The following SYT14 variants were observed in gnomAD, a reference collection of about 807,000 sequenced individuals.
SYT14 encodes the protein synaptotagmin 14.
SYT14 carries 32 observed loss-of-function variants against 74.2 expected under a neutral mutation model. That is an observed-to-expected ratio of 0.43 (90% confidence interval 0.33 to 0.58). The LOEUF (loss-of-function observed/expected upper bound fraction) is 0.58, where lower values mean the gene tolerates loss of function less well. Ranked by LOEUF, SYT14 falls within the 20% of genes least tolerant of loss-of-function variation. The probability of loss-of-function intolerance (pLI) is 0.05; values close to 1 mark genes in which losing one functional copy is unlikely to be tolerated. For synonymous variants in SYT14, 298 were observed against 337.7 expected, an observed-to-expected ratio of 0.88 and a Z score of 1.29; for missense variants, 791 against 981.8, an observed-to-expected ratio of 0.81 and a Z score of 2.60.
In SYT14 at chr1:209,998,445, A is replaced by G. The variant is rs566678427; in HGVS notation, c.-485-15188A>G. Among the ~76,000 whole-genome samples the G allele has an allele frequency of 7.2e-5, 11 of 152,112 alleles. No individual in the cohort carries two copies. In the South Asian group the frequency reaches 2.1e-3, roughly 29 times the overall value. On this transcript the variant is annotated intron_variant, in intron 2 of 9. Coordinates refer to ENST00000637265, the Ensembl canonical transcript of SYT14. Reference sequence around the variant, plus strand: ...TGTCATTTTTAACAGAAATAGAGAAAACAACTCTAGAATTTGTATAGAACT... The same window carrying G: ...TGTCATTTTTAACAGAAATAGAGAAGACAACTCTAGAATTTGTATAGAACT...
chr1:209,990,068 A>C (rs998676029), intron 2 of SYT14, among the ~76,000 whole-genome samples: 1 of 152,236 alleles, frequency 6.6e-6, no homozygotes, highest in African/African-American at 2.4e-5. Flanking sequence ...CCTGTTTGCT[A>C]TCTTTTACTT....
At chr1:209,974,039 C>A (rs1200029565) in intron 2 of SYT14, among the ~76,000 whole-genome samples, 3 of 151,794 alleles carry the variant, frequency 2.0e-5, no homozygotes. Context: ...ATATCCTTCG[C>A]CCACTTTTTG....
chr1:210,046,123 C>T (rs568231839), intron 5 of SYT14, among the ~76,000 whole-genome samples: 1 of 152,278 alleles, frequency 6.6e-6, no homozygotes, highest in African/African-American at 2.4e-5. Context: ...ATAATCCCAG[C>T]ACCTTGGGAG....
chr1:210,102,665 T>C (rs2082088592), intron 7 of SYT14, among the ~76,000 whole-genome samples: 1 of 152,064 alleles, frequency 6.6e-6, no homozygotes, highest in African/African-American at 2.4e-5. Context: ...TAAACATTTG[T>C]TCTAGTTGCT....
At chr1:210,025,903 A>G (rs896338831) in intron 5 of SYT14, among the ~76,000 whole-genome samples, 3 of 152,212 alleles carry the variant, frequency 2.0e-5, no homozygotes, top group Non-Finnish European at 4.4e-5. Flanking sequence ...TTTGGCTTTC[A>G]TTAGGTCATC....
chr1:210,013,559 T>G, intron 2 of SYT14, 74 bp from the exon 3 acceptor site: 3 of 1,359,684 alleles, frequency 2.2e-6, no homozygotes, highest in African/African-American at 1.5e-5. Context: ...GCTAACTTAA[T>G]GTTTGGGGTT....
At chr1:209,941,223 C>G (rs867854376) in intron 1 of SYT14, among the ~76,000 whole-genome samples, 1 of 152,024 alleles carries the variant, frequency 6.6e-6, no homozygotes, top group Non-Finnish European at 1.5e-5. Flanking sequence ...TTTTATCAGT[C>G]AGATGTGTAA....
chr1:210,076,493 C>T (rs1420446729), intron 5 of SYT14, among the ~76,000 whole-genome samples: 2 of 152,168 alleles, frequency 1.3e-5, no homozygotes, highest in African/African-American at 4.8e-5. Context: ...TTATATTTGC[C>T]TGTTCCTCGC....
chr1:210,034,673 ACT>A (rs1277442629), intron 5 of SYT14, among the ~76,000 whole-genome samples: 1 of 151,368 alleles, frequency 6.6e-6, no homozygotes, highest in African/African-American at 2.4e-5. Context: ...CTATTATTAC[ACT>A]CTCTGTGTGT....
chr1:210,039,945 G>A (rs1344172960), intron 5 of SYT14, among the ~76,000 whole-genome samples: 3 of 152,150 alleles, frequency 2.0e-5, no homozygotes, highest in East Asian at 1.9e-4. Flanking sequence ...GTGTAAATGC[G>A]TTCAACCATT....
intron 7 of SYT14, among the ~76,000 whole-genome samples, chr1:210,114,058 C>T (rs1056689650): frequency 1.3e-5 from 2 of 151,368 alleles, no homozygotes; most frequent in East Asian, 1.9e-4. Context: ...CTGAGGCAAT[C>T]GGGCAGTGTC....
chr1:210,061,471 G>A (rs567651501), intron 5 of SYT14, among the ~76,000 whole-genome samples: 2 of 151,994 alleles, frequency 1.3e-5, no homozygotes. Flanking sequence ...GATGTTTATA[G>A]ACTAAGGTTC....
chr1:209,995,761 AAACTC>A (rs1323821511), intron 2 of SYT14, among the ~76,000 whole-genome samples: 2 of 152,306 alleles, frequency 1.3e-5, no homozygotes, highest in East Asian at 1.9e-4. Context: ...AAATTCAAAA[AAACTC>A]AAATCATACC....
intron 5 of SYT14, among the ~76,000 whole-genome samples, chr1:210,021,683 C>T (rs1299837864): frequency 6.6e-6 from 1 of 152,150 alleles, no homozygotes; most frequent in Non-Finnish European, 1.5e-5. Flanking sequence ...TAAACACCAG[C>T]CAAATGTTGC....
chr1:210,036,251 A>T (rs1260515431), intron 5 of SYT14, among the ~76,000 whole-genome samples: 4 of 152,040 alleles, frequency 2.6e-5, no homozygotes, highest in African/African-American at 9.7e-5. Context: ...GTGTATAGAA[A>T]TGCTGCTGAT....
chr1:210,054,477 C>T (rs1158432571), intron 5 of SYT14, among the ~76,000 whole-genome samples: 4 of 151,966 alleles, frequency 2.6e-5, no homozygotes, highest in Admixed American at 6.6e-5. Context: ...CATCTTAAGC[C>T]TTTTTCTTGT....
At chr1:210,075,334 G>A (rs866491218) in intron 5 of SYT14, among the ~76,000 whole-genome samples, 2 of 142,510 alleles carry the variant, frequency 1.4e-5, no homozygotes, top group East Asian at 2.1e-4. Context: ...CTAGGGTCTC[G>A]AGGGTTTGTT....
rs538675289 is a variant in SYT14, at chr1:210,042,099, A to G, written c.1312+20845A>G. The stretch of plus-strand genomic sequence containing the variant: ...TACAGTTATTCTCACAACTGCAAGC[A>G]GGAGAGGCAGGGGAAGGGCTGAGTG... On this transcript the variant is annotated intron_variant, in intron 5 of 9. Coordinates refer to ENST00000637265, the Ensembl canonical transcript of SYT14. 1.6e-3 allele frequency among the ~76,000 whole-genome samples: 246 copies of G among 152,154 alleles called. 1 individual carries two copies. The highest frequency in any genetic ancestry group is 3.0e-3 in the Non-Finnish European group (202 of 68,000).
intron 2 of SYT14, among the ~76,000 whole-genome samples, chr1:209,971,476 A>G (rs1443665313): frequency 6.6e-6 from 1 of 152,080 alleles, no homozygotes; most frequent in Non-Finnish European, 1.5e-5. Context: ...CTCAAGGGGA[A>G]TTGTTCCAGC....
Sources: gnomAD v4.1 joint callset for allele counts (sites outside exome capture counted in the v4.1 genomes callset) on GRCh38, gnomAD v4.1.1 for gene constraint, MANE v1.5 for transcripts, NCBI Gene and HGNC (gene_info 2026-07-23, HGNC 2026-07-21) for gene names.